The following PSAT1 variants were observed in gnomAD, a reference collection of about 807,000 sequenced individuals.
The protein encoded by PSAT1 is phosphoserine aminotransferase.
A neutral mutation model predicts 40.3 loss-of-function variants in PSAT1; 41 were observed. That is an observed-to-expected ratio of 1.02 (90% confidence interval 0.79 to 1.32). The LOEUF (loss-of-function observed/expected upper bound fraction) is 1.32. Among genes scored for constraint, PSAT1 ranks in the 40% most tolerant of loss-of-function variants. The pLI is 0.00. For missense variants in PSAT1, 406 were observed against 455.8 expected, an observed-to-expected ratio of 0.89 and a Z score of 0.99; for synonymous variants, 147 against 170.5, an observed-to-expected ratio of 0.86 and a Z score of 1.07.
intron 6 of PSAT1, among the ~76,000 whole-genome samples, chr9:78,310,293 A>C (rs958933843): frequency 5.3e-5 from 8 of 152,174 alleles, no homozygotes; most frequent in Non-Finnish European, 1.2e-4. Context: ...TGGGGTGTGA[A>C]CCCAGGCCAT....
At chr9:78,311,290 G>T (rs1828263873) in intron 6 of PSAT1, among the ~76,000 whole-genome samples, 1 of 152,146 alleles carries the variant, frequency 6.6e-6, no homozygotes, top group Admixed American at 6.5e-5. Context: ...GGTACAGGAG[G>T]CTGTCCTTAC....
At chr9:78,317,136 A>G (rs1438405269) in intron 6 of PSAT1, among the ~76,000 whole-genome samples, 1 of 152,098 alleles carries the variant, frequency 6.6e-6, no homozygotes, top group African/African-American at 2.4e-5. Context: ...TTTAGTGAAA[A>G]ATCTGATTAA....
At chr9:78,317,558 C>T (rs1828364203) in intron 6 of PSAT1, 118 bp from the exon 7 acceptor site, 1 of 1,229,022 alleles carries the variant, frequency 8.1e-7, no homozygotes, top group South Asian at 1.2e-5. Context: ...ACTATCTTGT[C>T]TATTTCAAAT....
At chr9:78,326,955 A>ATATATATATT in intron 7 of PSAT1, among the ~76,000 whole-genome samples, 2 of 75,964 alleles carry the variant, frequency 2.6e-5, no homozygotes, top group African/African-American at 1.9e-4. Flanking sequence ...ATATATATAT[A>ATATATATATT]TTTTTTTTTT....
chr9:78,317,627 A>G, intron 6 of PSAT1, 49 bp from the exon 7 acceptor site: 2 of 1,601,592 alleles, frequency 1.2e-6, no homozygotes, highest in Non-Finnish European at 1.7e-6. Context: ...ATATAGTTCT[A>G]CTTTTGCAAA....
intron 2 of PSAT1, 47 bp downstream of exon 2, chr9:78,300,709 G>GTTT (rs1828095126): frequency 3.4e-6 from 4 of 1,176,072 alleles, no homozygotes; most frequent in Admixed American, 4.2e-5. Context: ...TTCAAAGGAA[G>GTTT]CTTTTTTTTT....
In PSAT1 at chr9:78,329,346, C is replaced by G; in HGVS notation, c.*260C>G. The G allele has an allele frequency of 2.1e-6, 1 of 465,154 alleles. No homozygotes were observed. The highest frequency in any genetic ancestry group is 2.2e-5 in the South Asian group (1 of 46,372). 28.8% of individuals were successfully genotyped at this position (465,154 alleles called of 1,614,324 possible). On this transcript the variant is annotated 3_prime_UTR_variant, in exon 9 of 9. Coordinates refer to ENST00000376588, the MANE Select transcript of PSAT1 (RefSeq NM_058179.4). The stretch of plus-strand genomic sequence containing the variant: ...TTCTAACAAATTCCCGCGTATTTTG[C>G]CTTTGCTGCTACTTTTTCTAGTTAG...
intron 1 of PSAT1, 60 bp downstream of exon 1, chr9:78,297,330 G>A: frequency 6.5e-7 from 1 of 1,537,566 alleles, no homozygotes; most frequent in Non-Finnish European, 8.8e-7. Context: ...CACGCGGGTG[G>A]GTTTGCATCC....
At chr9:78,306,948 A>G (rs1403578987) in intron 5 of PSAT1, among the ~76,000 whole-genome samples, 1 of 152,228 alleles carries the variant, frequency 6.6e-6, no homozygotes, top group African/African-American at 2.4e-5. Context: ...TACATGCCCC[A>G]GGGTGCGATG....
At position 78,308,405 on chromosome 9, in the gene PSAT1, C is replaced by CT. The variant is rs536197677; in HGVS notation, c.571-4dup. ...TCCTTCTTAAGCAGCATGTCTTTCTCTTTTTAAGTTTGGTGTGATTTTTGC... is the reference window on the plus strand; with the variant it reads ...TCCTTCTTAAGCAGCATGTCTTTCTCTTTTTTAAGTTTGGTGTGATTTTTGC... On this transcript the variant is annotated splice_polypyrimidine_tract_variant and intron_variant, in intron 5 of 8. Transcript: ENST00000376588. The CT allele has an allele frequency of 3.2e-3, 5,173 of 1,612,832 alleles. 9 individuals carry two copies. Among genetic ancestry groups the CT allele is most frequent in the Non-Finnish European group, 4.0e-3 (4,752 of 1,179,420 alleles).
At chr9:78,307,017 T>G (rs1252272825) in intron 5 of PSAT1, among the ~76,000 whole-genome samples, 1 of 152,248 alleles carries the variant, frequency 6.6e-6, no homozygotes, top group Admixed American at 6.5e-5. Flanking sequence ...GCCTTTTTAA[T>G]TGGGATAAAA....
chr9:78,317,627 ACTTTT>A lies in PSAT1; in HGVS notation c.741-48_741-44del, dbSNP rs1393113536. ...CAGCAGTTTGCTTGAATATAGTTCT[ACTTTT>A]GCAAAGATGAGCTAAACGGATTTTT... On this transcript the variant is annotated intron_variant, in intron 6 of 8. Transcript: ENST00000376588. The A allele has an allele frequency of 2.5e-6, 4 of 1,601,466 alleles. No individual in the cohort carries two copies. The African/African-American group carries it at 4.0e-5, about 16-fold the overall frequency.
At chr9:78,308,188 GC>G (rs1426063073) in intron 5 of PSAT1, among the ~76,000 whole-genome samples, 2 of 152,230 alleles carry the variant, frequency 1.3e-5, no homozygotes, top group Non-Finnish European at 2.9e-5. Flanking sequence ...GCTTGGGTTA[GC>G]CCCATCCAGG....
At chr9:78,298,188 CA>C in intron 1 of PSAT1, 2 of 692,348 alleles carry the variant, frequency 2.9e-6, no homozygotes, top group Non-Finnish European at 3.6e-6. Context: ...CCACCGTCCC[CA>C]GCCCCACCCG....
chr9:78,321,492 T>A (rs1828428443), intron 7 of PSAT1, among the ~76,000 whole-genome samples: 1 of 152,098 alleles, frequency 6.6e-6, no homozygotes, highest in Non-Finnish European at 1.5e-5. Flanking sequence ...AATTTGCAAT[T>A]TACCACCACC....
chr9:78,300,710 CTTTTT>C, intron 2 of PSAT1, 48 bp downstream of exon 2: 1,087 of 1,104,806 alleles, frequency 9.8e-4, no homozygotes, highest in Middle Eastern at 3.1e-3. Flanking sequence ...TCAAAGGAAG[CTTTTT>C]TTTTTTTTTT....
In PSAT1 at chr9:78,317,812, A is replaced by C. The variant is rs761950424; in HGVS notation, c.869+8A>C. ...TTCTCAAGGATTCTACGTGTAAGTCAATGGATTTTATCTCCTATTTTGCCT... is the reference window on the plus strand; with the variant it reads ...TTCTCAAGGATTCTACGTGTAAGTCCATGGATTTTATCTCCTATTTTGCCT... On this transcript the variant is annotated splice_region_variant and intron_variant, in intron 7 of 8. Coordinates refer to ENST00000376588, the MANE Select transcript of PSAT1 (RefSeq NM_058179.4). 4 of 1,611,888 alleles carry C rather than the reference A, an allele frequency of 2.5e-6. No individual in the cohort carries two copies. The highest frequency in any genetic ancestry group is 3.4e-6 in the Non-Finnish European group (4 of 1,179,470).
At chr9:78,308,684 G>A (rs1828221947) in intron 6 of PSAT1, 101 bp downstream of exon 6, 21 of 1,390,994 alleles carry the variant, frequency 1.5e-5, no homozygotes, top group South Asian at 1.4e-4. Context: ...GCCTGGGCGC[G>A]GTGGCTCACA....
chr9:78,326,955 A>ATTTTTTTTTTTTTTTTTTT (rs1554688170), intron 7 of PSAT1, among the ~76,000 whole-genome samples: 2 of 75,964 alleles, frequency 2.6e-5, no homozygotes, highest in African/African-American at 1.9e-4. Flanking sequence ...ATATATATAT[A>ATTTTTTTTTTTTTTTTTTT]TTTTTTTTTT....
Sources: allele counts gnomAD v4.1 joint callset (sites outside exome capture counted in the v4.1 genomes callset), GRCh38; gene constraint gnomAD v4.1.1; transcripts MANE v1.5; gene names NCBI Gene and HGNC (gene_info 2026-07-23, HGNC 2026-07-21).